The following CSMD3 variants were observed in gnomAD, a reference collection of about 807,000 sequenced individuals.
The protein encoded by CSMD3 is CUB and sushi domain-containing protein 3.
A neutral mutation model predicts 435.2 loss-of-function variants in CSMD3; 177 were observed. The ratio of observed to expected loss-of-function variants is 0.41; its 90% CI spans 0.36 to 0.46. The LOEUF is 0.46. Among genes scored for constraint, CSMD3 ranks in the 20% least tolerant of loss-of-function variants. CSMD3 has a pLI of 0.34. For missense variants in CSMD3, 4,265 were observed against 4,504.6 expected, an observed-to-expected ratio of 0.95 and a Z score of 1.52; for synonymous variants, 1,656 against 1,520.5, an observed-to-expected ratio of 1.09 and a Z score of -2.07.
chr8:113,182,100 A>G (rs895270817), intron 3 of CSMD3, among the ~76,000 whole-genome samples: 4 of 152,082 alleles, frequency 2.6e-5, no homozygotes, highest in Non-Finnish European at 4.4e-5. Context: ...ATGGCATGAC[A>G]CCATTTCTAT....
rs181641083 is a variant in CSMD3, at chr8:112,771,623, G to T, written c.1972+28539C>A. On this transcript the variant is annotated intron_variant, in intron 13 of 70. Coordinates refer to ENST00000297405, the MANE Select transcript of CSMD3 (RefSeq NM_198123.2). ...CAGAGAGCAATAATTAATTTCTAAT[G>T]AGTGCTACTCTTTCTCTATACGTAT... Among the ~76,000 whole-genome samples the T allele has an allele frequency of 6.7e-3, 1,013 of 152,090 alleles. 38 individuals carry two copies. The highest frequency in any genetic ancestry group is 0.055 in the Admixed American group (839 of 15,254).
At chr8:113,280,462 C>A (rs2093605325) in intron 2 of CSMD3, among the ~76,000 whole-genome samples, 1 of 151,722 alleles carries the variant, frequency 6.6e-6, no homozygotes, top group African/African-American at 2.4e-5. Flanking sequence ...GAGGTGTTCA[C>A]AGTAGCCTTG....
chr8:113,349,083 T>C (rs913919658), intron 1 of CSMD3, among the ~76,000 whole-genome samples: 4 of 152,248 alleles, frequency 2.6e-5, no homozygotes, highest in Non-Finnish European at 4.4e-5. Context: ...TATTTTTATA[T>C]GTATATACCA....
At chr8:113,155,537 C>T (rs189374341) in intron 4 of CSMD3, among the ~76,000 whole-genome samples, 2 of 152,046 alleles carry the variant, frequency 1.3e-5, no homozygotes, top group East Asian at 1.9e-4. Flanking sequence ...AAGATACCAT[C>T]CTGAGGGCAA....
At chr8:113,028,613 T>A (rs1247106970) in intron 5 of CSMD3, among the ~76,000 whole-genome samples, 4 of 151,388 alleles carry the variant, frequency 2.6e-5, no homozygotes, top group Non-Finnish European at 5.9e-5. Flanking sequence ...AGCAAAACAA[T>A]CTTTTTTGCT....
In CSMD3 at chr8:112,408,547, C is replaced by T. The variant is rs192436736; in HGVS notation, c.5510-134G>A. On this transcript the variant is annotated intron_variant, in intron 33 of 70. Transcript: ENST00000297405. ...TATCAAATTACTTTAAAATATCCTA[C>T]AACTACCAATATATTTCCTTTGGGT... is the stretch of plus-strand genomic sequence containing the variant. 5.4e-3 allele frequency: 3,858 copies of T among 711,766 alleles called. 31 individuals are homozygous for T. The highest frequency in any genetic ancestry group is 0.014 in the South Asian group (906 of 63,440). 44.1% of individuals were successfully genotyped at this position (711,766 alleles called of 1,614,324 possible). A position where few individuals can be genotyped will look rare whatever the true frequency, so the allele number is the denominator to read the frequency against.
At chr8:113,083,834 C>T (rs182147063) in intron 5 of CSMD3, among the ~76,000 whole-genome samples, 1 of 151,994 alleles carries the variant, frequency 6.6e-6, no homozygotes, top group African/African-American at 2.4e-5. Flanking sequence ...AGCTGGGTGG[C>T]ATGGTGGAAT....
chr8:112,938,326 A>G (rs1446721891), intron 9 of CSMD3, among the ~76,000 whole-genome samples: 4 of 152,180 alleles, frequency 2.6e-5, no homozygotes, highest in South Asian at 4.1e-4. Context: ...CCAACATACC[A>G]AAGACCACCT....
At chr8:113,378,075 C>G (rs1299897786) in intron 1 of CSMD3, among the ~76,000 whole-genome samples, 1 of 151,990 alleles carries the variant, frequency 6.6e-6, no homozygotes, top group Admixed American at 6.6e-5. Flanking sequence ...TCCAAAAGTT[C>G]CATTATGAGA....
At chr8:113,239,292 C>T (rs923720984) in intron 3 of CSMD3, among the ~76,000 whole-genome samples, 1 of 152,010 alleles carries the variant, frequency 6.6e-6, no homozygotes, top group Non-Finnish European at 1.5e-5. Context: ...GAGCCAATTC[C>T]TTATGTTATC....
At chr8:112,588,871 C>A (rs1830947595) in intron 22 of CSMD3, among the ~76,000 whole-genome samples, 1 of 152,048 alleles carries the variant, frequency 6.6e-6, no homozygotes, top group South Asian at 2.1e-4. Context: ...TAGTGGAAAT[C>A]ATTTACATTT....
At chr8:112,574,860 T>C (rs2131306965) in intron 23 of CSMD3, among the ~76,000 whole-genome samples, 2 of 151,996 alleles carry the variant, frequency 1.3e-5, no homozygotes, top group South Asian at 4.1e-4. Flanking sequence ...CAGATTGCCT[T>C]ACTTACTCAT....
intron 53 of CSMD3, among the ~76,000 whole-genome samples, chr8:112,301,554 T>G (rs1402194641): frequency 6.6e-6 from 1 of 152,146 alleles, no homozygotes; most frequent in African/African-American, 2.4e-5. Context: ...CACCATTATA[T>G]TTTCACCATG....
At chr8:113,219,487 C>T (rs1291519848) in intron 3 of CSMD3, among the ~76,000 whole-genome samples, 1 of 151,180 alleles carries the variant, frequency 6.6e-6, no homozygotes, top group African/African-American at 2.4e-5. Flanking sequence ...AAAAAATGTT[C>T]AGAAATATAC....
chr8:113,050,321 G>A (rs1052291942), intron 5 of CSMD3, among the ~76,000 whole-genome samples: 15 of 151,904 alleles, frequency 9.9e-5, no homozygotes. Flanking sequence ...GATTTATTCT[G>A]TAAACTTTTA....
chr8:113,300,932 G>T (rs948765942), intron 2 of CSMD3, among the ~76,000 whole-genome samples: 1 of 152,056 alleles, frequency 6.6e-6, no homozygotes, highest in Non-Finnish European at 1.5e-5. Context: ...ATATGCCACA[G>T]CATGGATAAC....
chr8:113,181,911 C>T (rs556031588), intron 3 of CSMD3, among the ~76,000 whole-genome samples: 11 of 152,102 alleles, frequency 7.2e-5, no homozygotes, highest in Non-Finnish European at 1.6e-4. Context: ...TGTATTAAGA[C>T]TTTTGGATAA....
intron 12 of CSMD3, among the ~76,000 whole-genome samples, chr8:112,807,309 G>A (rs1189896022): frequency 6.6e-6 from 1 of 152,136 alleles, no homozygotes; most frequent in Non-Finnish European, 1.5e-5. Flanking sequence ...GTGGTTTTTA[G>A]CAATGACAAT....
chr8:112,710,465 G>A (rs894571986), intron 13 of CSMD3, among the ~76,000 whole-genome samples: 1 of 152,024 alleles, frequency 6.6e-6, no homozygotes, highest in Non-Finnish European at 1.5e-5. Flanking sequence ...TTGTGGAGAG[G>A]CTTTCTGTAC....
Sources: gnomAD v4.1 joint callset for allele counts (sites outside exome capture counted in the v4.1 genomes callset) on GRCh38, gnomAD v4.1.1 for gene constraint, MANE v1.5 for transcripts, NCBI Gene and HGNC (gene_info 2026-07-23, HGNC 2026-07-21) for gene names.